Variants in EFCAB8 observed in about 807,000 individuals in gnomAD.
EFCAB8 encodes the protein EF-hand calcium-binding domain-containing protein 8.
In EFCAB8, 100 loss-of-function variants were observed where a neutral mutation model predicts 116.3. That is an observed-to-expected ratio of 0.86 (90% CI 0.73 to 1.02). The LOEUF is 1.02. Among genes scored for constraint, EFCAB8 ranks in the 50% least tolerant of loss-of-function variants. EFCAB8 has a pLI of 0.00. For missense variants in EFCAB8, 1,320 were observed against 1,416.9 expected (o/e 0.93, Z 1.10); for synonymous variants, 558 against 567.9 (o/e 0.98, Z 0.25).
chr20:32,958,053 C>T (rs888920764), intron 23 of EFCAB8, among the ~76,000 whole-genome samples: 2 of 152,114 alleles, frequency 1.3e-5, no homozygotes, highest in African/African-American at 4.8e-5. Context: ...CCCACCACCC[C>T]AAATCTCATA....
intron 4 of EFCAB8, among the ~76,000 whole-genome samples, chr20:32,876,654 T>C (rs1249312231): frequency 4.6e-5 from 7 of 152,164 alleles, no homozygotes; most frequent in Non-Finnish European, 8.8e-5. Context: ...AGGAATCCTA[T>C]GGGGTAGGTG....
chr20:32,941,745 T>C (rs1033417865), intron 22 of EFCAB8, among the ~76,000 whole-genome samples: 5 of 152,166 alleles, frequency 3.3e-5, no homozygotes, highest in Non-Finnish European at 7.4e-5. Context: ...GGTAAAGAGT[T>C]TCTTTCTGGG....
intron 23 of EFCAB8, among the ~76,000 whole-genome samples, chr20:32,945,399 G>T (rs918729710): frequency 6.6e-6 from 1 of 151,990 alleles, no homozygotes; most frequent in African/African-American, 2.4e-5. Flanking sequence ...TCAAGTGATC[G>T]CCCACCTAAG....
intron 22 of EFCAB8, among the ~76,000 whole-genome samples, chr20:32,939,125 CTCTTTCTTTCTTTCTTTCTT>C (rs56136077): frequency 0.045 from 2,527 of 56,250 alleles, 93 homozygotes; most frequent in African/African-American, 0.057. Context: ...CTCTTTCTTT[CTCTTTCTTTCTTTCTTTCTT>C]TCTTTCTTTC....
In EFCAB8 at chr20:32,960,133, G is replaced by A. The variant is rs1473133514; in HGVS notation, c.3365G>A (p.Arg1122Lys). 3.9e-6 allele frequency: 6 copies of A among 1,551,736 alleles called. No homozygotes were observed. The Admixed American group carries it at 1.2e-4, about 30-fold the overall frequency. The change falls in exon 26 of 27, where the codon AGG (arginine) becomes AAG (lysine). Residue 1122 changes from arginine to lysine, a missense_variant. By Grantham distance (26) the Arg-to-Lys change is conservative. Coordinates refer to ENST00000400522, the MANE Select transcript of EFCAB8 (RefSeq NM_001143967.2). ...CAGAATACCAGGTTCCTGTCCACCA[G>A]GGTGCCATATGGCTGGATGAAGCAT... ...RLQNTRFLST[R>K]VPYGWMKHQI...
chr20:32,936,873 A>C (rs929727956), intron 22 of EFCAB8, among the ~76,000 whole-genome samples: 1 of 152,174 alleles, frequency 6.6e-6, no homozygotes, highest in Admixed American at 6.5e-5. Flanking sequence ...TAGGGACTGC[A>C]TTGAATCTGT....
intron 23 of EFCAB8, among the ~76,000 whole-genome samples, chr20:32,949,045 T>G (rs1389297078): frequency 6.6e-6 from 1 of 152,146 alleles, no homozygotes; most frequent in East Asian, 1.9e-4. Context: ...AAAACTGTTT[T>G]TATTTGTAGT....
At chr20:32,945,686 A>G (rs1988575000) in intron 23 of EFCAB8, among the ~76,000 whole-genome samples, 1 of 152,050 alleles carries the variant, frequency 6.6e-6, no homozygotes, top group South Asian at 2.1e-4. Context: ...ATTGGGATCC[A>G]TGCATTTGTA....
chr20:32,901,844 T>C (rs1423663055), intron 11 of EFCAB8, among the ~76,000 whole-genome samples: 3 of 152,162 alleles, frequency 2.0e-5, no homozygotes, highest in Non-Finnish European at 4.4e-5. Flanking sequence ...CGCGCCATCA[T>C]GCCCGGCTAA....
intron 1 of EFCAB8, among the ~76,000 whole-genome samples, chr20:32,859,393 C>A (rs920628217): frequency 1.3e-5 from 2 of 152,158 alleles, no homozygotes; most frequent in Admixed American, 1.3e-4. Flanking sequence ...GCCTTCCCTT[C>A]CTTCCCTTCA....
At chr20:32,895,912 C>A (rs1372501543) in intron 9 of EFCAB8, among the ~76,000 whole-genome samples, 1 of 152,096 alleles carries the variant, frequency 6.6e-6, no homozygotes, top group Non-Finnish European at 1.5e-5. Context: ...GACCTTCCCA[C>A]CTGAGCCTCC....
At position 32,924,551 on chromosome 20, in the gene EFCAB8, A is replaced by G. The variant is rs556928031; in HGVS notation, c.2412+4336A>G. Among the ~76,000 whole-genome samples, 8 of 152,190 alleles carry G rather than the reference A, an allele frequency of 5.3e-5. 1 individual carries two copies. In the East Asian group the frequency reaches 1.3e-3, roughly 26 times the overall value. On this transcript the variant is annotated intron_variant, in intron 20 of 26. Coordinates refer to ENST00000400522, the MANE Select transcript of EFCAB8 (RefSeq NM_001143967.2). Reference sequence around the variant, plus strand: ...TTTTATGGCTGAAGAAACAGGCCCAATGAGGTGAAGTGACTTGCCCAAGAT... The same window carrying G: ...TTTTATGGCTGAAGAAACAGGCCCAGTGAGGTGAAGTGACTTGCCCAAGAT...
chr20:32,948,729 C>A (rs1183571674), intron 23 of EFCAB8, among the ~76,000 whole-genome samples: 1 of 152,066 alleles, frequency 6.6e-6, no homozygotes, highest in Non-Finnish European at 1.5e-5. Flanking sequence ...ATTTGAAAAT[C>A]AGTGTAATTT....
At chr20:32,906,100 G>A (rs545890419) in intron 11 of EFCAB8, among the ~76,000 whole-genome samples, 2 of 152,278 alleles carry the variant, frequency 1.3e-5, no homozygotes, top group East Asian at 1.9e-4. Flanking sequence ...GGGACCACAC[G>A]TAGCCAGGGT....
chr20:32,923,560 T>C (rs1363728884), intron 20 of EFCAB8, among the ~76,000 whole-genome samples: 1 of 152,102 alleles, frequency 6.6e-6, no homozygotes, highest in Non-Finnish European at 1.5e-5. Flanking sequence ...AGAATGGCTG[T>C]CTCCCTCCTC....
In EFCAB8 at chr20:32,863,233, T is replaced by G. The variant is rs556711674; in HGVS notation, c.-10-550T>G. 7.2e-5 allele frequency among the ~76,000 whole-genome samples: 11 copies of G among 152,286 alleles called. No individual in the cohort carries two copies. The East Asian group carries it at 2.1e-3, about 29-fold the overall frequency. On this transcript the variant is annotated intron_variant, in intron 1 of 26. Transcript: ENST00000400522. ...TGCTCCAAAGACCCTAACAAAACGCTGTCATCCATCTCATATGGAGGCCTT... is the reference window on the plus strand; with the variant it reads ...TGCTCCAAAGACCCTAACAAAACGCGGTCATCCATCTCATATGGAGGCCTT...
intron 11 of EFCAB8, among the ~76,000 whole-genome samples, chr20:32,903,952 A>G (rs1986548416): frequency 6.6e-6 from 1 of 151,898 alleles, no homozygotes; most frequent in African/African-American, 2.4e-5. Flanking sequence ...GGGTGACTTC[A>G]GTGGAGGGCA....
chr20:32,880,421 A>G (rs907017651), intron 5 of EFCAB8, among the ~76,000 whole-genome samples: 2 of 151,984 alleles, frequency 1.3e-5, no homozygotes, highest in Non-Finnish European at 2.9e-5. Context: ...AACGCCTGCC[A>G]CCATGCCTGA....
rs370178736 is a variant in EFCAB8 at position 32,861,686 on chromosome 20, C to A, written c.-10-2097C>A. On this transcript the variant is annotated intron_variant, in intron 1 of 26. Coordinates refer to ENST00000400522, the MANE Select transcript of EFCAB8 (RefSeq NM_001143967.2). ...GGCTGAGATGGGAGGATCACCTGAG[C>A]CCAGGAGTGCAAAACCAGCCTGGGC... Among the ~76,000 whole-genome samples, 15 of 152,258 alleles carry A rather than the reference C, an allele frequency of 9.9e-5. No individual in the cohort carries two copies. The South Asian group carries it at 2.3e-3, about 23-fold the overall frequency.
Sources: allele counts gnomAD v4.1 joint callset (sites outside exome capture counted in the v4.1 genomes callset), GRCh38; gene constraint gnomAD v4.1.1; transcripts MANE v1.5; gene names NCBI Gene and HGNC (gene_info 2026-07-23, HGNC 2026-07-21).